The following BBX variants were observed in gnomAD, a reference collection of about 807,000 sequenced individuals.
BBX encodes the protein HMG box transcription factor BBX.
BBX carries 30 observed loss-of-function variants against 100.2 expected under a neutral mutation model. The observed-to-expected ratio is 0.30, with a 90% CI of 0.22 to 0.41. The LOEUF is 0.41. BBX is among the 10% of genes least tolerant of loss of function. The pLI is 1.00. For synonymous variants in BBX, 376 were observed against 388.1 expected (o/e 0.97, Z 0.37); for missense variants, 1,023 against 1,129.8 (o/e 0.91, Z 1.35).
rs554824363 is a variant in BBX at position 107,755,345 on chromosome 3, A to AT, written c.826-250dup. ...TCTCACTTTAAGGTTACAGAGTTAA[A>AT]TTTAAAGCCTAGAATATCCAAGATA... On this transcript the variant is annotated intron_variant, in intron 9 of 17. Coordinates refer to ENST00000325805, the MANE Select transcript of BBX (RefSeq NM_001142568.3). 5.6e-4 allele frequency among the ~76,000 whole-genome samples: 86 copies of AT among 152,318 alleles called. 4 individuals carry two copies. In the South Asian group the frequency reaches 0.018, roughly 32 times the overall value.
In BBX at chr3:107,811,064, TTC is replaced by T. The variant is rs1342458880; in HGVS notation, c.*5609_*5610del. ...AAGTCAATATACACATTTATATAATTTCTTTCTTCAAAATCTTATACCTAATT... is the reference window on the plus strand; with the variant it reads ...AAGTCAATATACACATTTATATAATTTTTCTTCAAAATCTTATACCTAATT... On this transcript the variant is annotated 3_prime_UTR_variant, in exon 18 of 18. Transcript: ENST00000325805. The T allele has an allele frequency of 6.6e-6, 1 of 152,252 alleles. No homozygotes were observed. The highest frequency in any genetic ancestry group is 1.5e-5 in the Non-Finnish European group (1 of 68,038). The allele number at this position is 152,252 out of a possible 1,614,324, so 9.4% of individuals were successfully genotyped here. A position where few individuals can be genotyped will look rare whatever the true frequency, so the allele number is the denominator to read the frequency against.
intron 2 of BBX, among the ~76,000 whole-genome samples, chr3:107,630,135 C>A (rs1008901266): frequency 6.6e-6 from 1 of 152,160 alleles, no homozygotes; most frequent in Non-Finnish European, 1.5e-5. Flanking sequence ...TTAGAATCCC[C>A]TGGGGAGCTT....
At chr3:107,722,878 G>A (rs887285227) in intron 5 of BBX, among the ~76,000 whole-genome samples, 15 of 152,010 alleles carry the variant, frequency 9.9e-5, no homozygotes, top group Non-Finnish European at 2.1e-4. Flanking sequence ...TAACAGATTA[G>A]TACCACTTAT....
chr3:107,780,205 C>G (rs945712665), intron 13 of BBX, among the ~76,000 whole-genome samples: 1 of 152,022 alleles, frequency 6.6e-6, no homozygotes, highest in East Asian at 1.9e-4. Context: ...TCCCATAATT[C>G]TTGGATTTAA....
chr3:107,653,468 A>T (rs952891942), intron 3 of BBX, among the ~76,000 whole-genome samples: 1 of 152,164 alleles, frequency 6.6e-6, no homozygotes, highest in African/African-American at 2.4e-5. Context: ...TGAAGTCAAC[A>T]TTTAGGTGTT....
intron 10 of BBX, among the ~76,000 whole-genome samples, chr3:107,762,751 A>T (rs1159093354): frequency 6.6e-6 from 1 of 152,174 alleles, no homozygotes; most frequent in South Asian, 2.1e-4. Flanking sequence ...ACTCCTTTAT[A>T]ATAGACAATG....
At chr3:107,701,057 A>G (rs910949346) in intron 3 of BBX, among the ~76,000 whole-genome samples, 1 of 151,982 alleles carries the variant, frequency 6.6e-6, no homozygotes, top group South Asian at 2.1e-4. Flanking sequence ...AGTCCCACCA[A>G]CAGTGTAAAA....
intron 2 of BBX, among the ~76,000 whole-genome samples, chr3:107,616,600 A>G (rs907278550): frequency 3.3e-5 from 5 of 152,104 alleles, no homozygotes; most frequent in African/African-American, 7.2e-5. Context: ...AAGCTGTTTC[A>G]GTAGGTATAT....
At chr3:107,553,609 A>G (rs558202877) in intron 2 of BBX, among the ~76,000 whole-genome samples, 31 of 152,318 alleles carry the variant, frequency 2.0e-4, no homozygotes, top group African/African-American at 7.2e-4. Flanking sequence ...TGAGTTAAGG[A>G]CAAGAAAACC....
intron 2 of BBX, among the ~76,000 whole-genome samples, chr3:107,608,324 C>G (rs2054596012): frequency 6.6e-6 from 1 of 152,148 alleles, no homozygotes. Context: ...ATTGAAGAGA[C>G]TGTCCTTTCC....
chr3:107,743,918 G>GTTTTTTTTTTTTTTTTTTTTTTATTT (rs2064328593), intron 7 of BBX, among the ~76,000 whole-genome samples: 1 of 56,622 alleles, frequency 1.8e-5, no homozygotes, highest in African/African-American at 7.0e-5. Context: ...TGTTTTAGTG[G>GTTTTTTTTTTTTTTTTTTTTTTATTT]TTTTTTTTTT....
At position 107,774,834 on chromosome 3, in the gene BBX, G is replaced by A. The variant is rs2067195665; in HGVS notation, c.2031G>A (p.Lys677=). ...TSGSKKFKKT[K]PKEDCLLGSA... ...GGAGCAAGAAGTTCAAGAAGACAAAGCCAAAAGAAGACTGTCTCCTTGGGT... is the reference window on the plus strand; with the variant it reads ...GGAGCAAGAAGTTCAAGAAGACAAAACCAAAAGAAGACTGTCTCCTTGGGT... The change falls in exon 12 of 18, where the codon AAG becomes AAA. Residue 677 remains lysine, a synonymous_variant. Transcript: ENST00000325805. The A allele has an allele frequency of 1.2e-6, 2 of 1,613,352 alleles. No homozygotes were observed. The highest frequency in any genetic ancestry group is 1.7e-6 in the Non-Finnish European group (2 of 1,179,534).
intron 2 of BBX, among the ~76,000 whole-genome samples, chr3:107,597,427 A>G (rs1217672431): frequency 1.3e-5 from 2 of 152,190 alleles, no homozygotes; most frequent in Admixed American, 1.3e-4. Flanking sequence ...AGCTTTGAAA[A>G]ATATTAGAGA....
chr3:107,546,821 A>G (rs903545688), intron 2 of BBX, among the ~76,000 whole-genome samples: 1 of 152,186 alleles, frequency 6.6e-6, no homozygotes, highest in Admixed American at 6.5e-5. Flanking sequence ...AAAGTAATAT[A>G]TGGTTCCTTT....
In BBX at chr3:107,810,615, C is replaced by G. The variant is rs1225111965; in HGVS notation, c.*5158C>G. 6.6e-6 allele frequency: 1 copy of G among 152,218 alleles called. No individual in the cohort carries two copies. Among genetic ancestry groups the G allele is most frequent in the African/African-American group, 2.4e-5 (1 of 41,446 alleles). The allele number at this position is 152,218 out of a possible 1,614,324, so 9.4% of individuals were successfully genotyped here. A position where few individuals can be genotyped will look rare whatever the true frequency, so the allele number is the denominator to read the frequency against. ...AGGGGTGGGCTCATGTCCCCTGACTCCTCACATGAGTGCCTCAGCTCTAAG... is the reference window on the plus strand; with the variant it reads ...AGGGGTGGGCTCATGTCCCCTGACTGCTCACATGAGTGCCTCAGCTCTAAG... On this transcript the variant is annotated 3_prime_UTR_variant, in exon 18 of 18. Transcript: ENST00000325805.
chr3:107,678,977 C>CA (rs1329509819), intron 3 of BBX, among the ~76,000 whole-genome samples: 5 of 152,038 alleles, frequency 3.3e-5, no homozygotes, highest in African/African-American at 4.8e-5. Context: ...CAAGATTACA[C>CA]AGTTTGCAGC....
chr3:107,810,955 G>T lies in BBX; in HGVS notation c.*5498G>T, dbSNP rs2071262219. 1 of 151,692 alleles carries T rather than the reference G, an allele frequency of 6.6e-6. No homozygotes were observed. Among genetic ancestry groups the T allele is most frequent in the Non-Finnish European group, 1.5e-5 (1 of 67,980 alleles). The allele number at this position is 151,692 out of a possible 1,614,324, so 9.4% of individuals were successfully genotyped here. ...AGAAATTGGCTTGGTTCTCTTTAGA[G>T]TTGGTGTAAACATGCCATGTAATAA... is the stretch of plus-strand genomic sequence containing the variant. On this transcript the variant is annotated 3_prime_UTR_variant, in exon 18 of 18. Coordinates refer to ENST00000325805, the MANE Select transcript of BBX (RefSeq NM_001142568.3).
At chr3:107,790,733 G>A (rs1356298244) in intron 14 of BBX, among the ~76,000 whole-genome samples, 1 of 152,178 alleles carries the variant, frequency 6.6e-6, no homozygotes, top group East Asian at 1.9e-4. Flanking sequence ...TGCATGGCCA[G>A]ATGTGAAGCA....
rs527808746 is a variant in BBX, at chr3:107,668,905, G to T, written c.-10+22996G>T. 2.6e-5 allele frequency among the ~76,000 whole-genome samples: 4 copies of T among 152,162 alleles called. No individual in the cohort carries two copies. The South Asian group carries it at 8.3e-4, about 32-fold the overall frequency. ...GTTGACAAAATCATGATGGGACTGCGTTCTCCTTTTTCTTGATTTATGCTA... is the reference window on the plus strand; with the variant it reads ...GTTGACAAAATCATGATGGGACTGCTTTCTCCTTTTTCTTGATTTATGCTA... On this transcript the variant is annotated intron_variant, in intron 3 of 17. Coordinates refer to ENST00000325805, the MANE Select transcript of BBX (RefSeq NM_001142568.3).
Sources: gnomAD v4.1 joint callset for allele counts (sites outside exome capture counted in the v4.1 genomes callset) on GRCh38, gnomAD v4.1.1 for gene constraint, MANE v1.5 for transcripts, NCBI Gene and HGNC (gene_info 2026-07-23, HGNC 2026-07-21) for gene names.